The following MFAP3 variants were observed in gnomAD, a reference collection of about 807,000 sequenced individuals.
MFAP3 encodes the protein microfibril associated protein 3.
MFAP3 carries 8 observed loss-of-function variants against 20.5 expected under a neutral mutation model. The observed-to-expected ratio is 0.39, with a 90% CI of 0.23 to 0.70. The LOEUF is 0.70. Ranked by LOEUF, MFAP3 falls within the 30% of genes least tolerant of loss-of-function variation. The pLI is 0.44. For missense variants in MFAP3, 398 were observed against 444.6 expected, an observed-to-expected ratio of 0.90 and a Z score of 0.94; for synonymous variants, 140 against 154.0, an observed-to-expected ratio of 0.91 and a Z score of 0.67.
At chr5:154,048,835 T>C (rs1773118755) in intron 1 of MFAP3, among the ~76,000 whole-genome samples, 1 of 152,226 alleles carries the variant, frequency 6.6e-6, no homozygotes, top group Non-Finnish European at 1.5e-5. Context: ...TTTGGTATGC[T>C]TACAAACTAT....
rs777053581 is a variant in MFAP3 at position 154,056,147 on chromosome 5, G to A, written c.*2434G>A. On this transcript the variant is annotated 3_prime_UTR_variant, in exon 3 of 3. Transcript: ENST00000522782. ...AGAAACAGAACTTTGGAAAAATGGA[G>A]GAAATGTTTTTAAAGTCTGTAAGTT... Among the ~76,000 whole-genome samples, 2 of 152,120 alleles carry A rather than the reference G, an allele frequency of 1.3e-5. No individual in the cohort carries two copies. Among genetic ancestry groups the A allele is most frequent in the Middle Eastern group, 3.2e-3 (1 of 316 alleles).
At chr5:154,049,434 TC>T (rs1343930066) in intron 1 of MFAP3, 122 bp from the exon 2 acceptor site, 1 of 317,992 alleles carries the variant, frequency 3.1e-6, no homozygotes, top group African/African-American at 2.2e-5. Context: ...TACTGTTCCA[TC>T]TAATTACTCC....
At chr5:154,050,354 T>G (rs2113564288) in intron 2 of MFAP3, among the ~76,000 whole-genome samples, 1 of 152,304 alleles carries the variant, frequency 6.6e-6, no homozygotes, top group Middle Eastern at 3.4e-3. Flanking sequence ...AACACAACTC[T>G]GGGAGCACCC....
intron 1 of MFAP3, among the ~76,000 whole-genome samples, chr5:154,044,394 C>T (rs745401254): frequency 6.6e-6 from 1 of 152,162 alleles, no homozygotes; most frequent in Non-Finnish European, 1.5e-5. Context: ...CCTTCTTGGA[C>T]ACGTATCTTT....
chr5:154,044,223 T>C (rs1561588174), intron 1 of MFAP3, among the ~76,000 whole-genome samples: 1 of 152,234 alleles, frequency 6.6e-6, no homozygotes, highest in Non-Finnish European at 1.5e-5. Context: ...GTCATTAGTC[T>C]AGAATGAGCA....
At chr5:154,049,387 A>C (rs1407164608) in intron 1 of MFAP3, among the ~76,000 whole-genome samples, 170 bp from the exon 2 acceptor site, 1 of 152,098 alleles carries the variant, frequency 6.6e-6, no homozygotes, top group Non-Finnish European at 1.5e-5. Flanking sequence ...TTACCAATTC[A>C]TTGCTTTTTC....
Position 154,049,652 on chromosome 5 carries a change from G to T in MFAP3, c.-71G>T. 2.1e-6 allele frequency: 3 copies of T among 1,437,796 alleles called. No homozygotes were observed. The highest frequency in any genetic ancestry group is 2.1e-5 in the Admixed American group (1 of 48,756). The allele number at this position is 1,437,796 out of a possible 1,614,324, so 89.1% of individuals were successfully genotyped here. Reference sequence around the variant, plus strand: ...TTCTCTACCAAGCAATAAATTACCCGCTGTGCTTTTGTTGTAGTGTAGAAG... The same window carrying T: ...TTCTCTACCAAGCAATAAATTACCCTCTGTGCTTTTGTTGTAGTGTAGAAG... On this transcript the variant is annotated 5_prime_UTR_variant, in exon 2 of 3. Transcript: ENST00000522782.
rs1440598105 is a variant in MFAP3, at chr5:154,053,649, A to G, written c.1025A>G (p.Asp342Gly). The G allele has an allele frequency of 8.1e-6, 13 of 1,613,944 alleles. No individual in the cohort carries two copies. The highest frequency in any genetic ancestry group is 1.1e-5 in the Non-Finnish European group (13 of 1,179,890). ...QGSSHFSPPD[D>G]IGSAESNCNY... The stretch of plus-strand genomic sequence containing the variant: ...AGCAGTCATTTCAGTCCACCTGATG[A>G]TATAGGATCTGCAGAATCTAACTGT... Residue 342 changes from aspartate to glycine, a missense_variant, in exon 3 of 3, where the codon GAT becomes GGT. Physicochemically the swap from Asp to Gly is moderately conservative, Grantham distance 94. Transcript: ENST00000522782.
chr5:154,046,694 C>T (rs1228221663), intron 1 of MFAP3, among the ~76,000 whole-genome samples: 1 of 152,194 alleles, frequency 6.6e-6, no homozygotes, highest in Non-Finnish European at 1.5e-5. Flanking sequence ...TTGGTGAGGA[C>T]ACTCATTGCC....
chr5:154,043,201 G>T (rs1020502621), intron 1 of MFAP3, among the ~76,000 whole-genome samples: 8 of 152,110 alleles, frequency 5.3e-5, no homozygotes, highest in Non-Finnish European at 1.2e-4. Flanking sequence ...AAAGGAGTTG[G>T]ATTAAACTTG....
rs1017183853 is a variant in MFAP3 at position 154,049,786 on chromosome 5, T to C, written c.64T>C (p.Leu22=). 6.2e-7 allele frequency: 1 copy of C among 1,613,712 alleles called. No homozygotes were observed. The highest frequency in any genetic ancestry group is 1.3e-5 in the African/African-American group (1 of 75,042). The change falls in exon 2 of 3, where the codon TTG becomes CTG. Residue 22 remains leucine (L), a synonymous_variant. Coordinates refer to ENST00000522782, the MANE Select transcript of MFAP3 (RefSeq NM_005927.5). ...ASIIVPAAFV[L]EDVDFDQMVS... is the part of the protein sequence containing the mutation. ...TATTATTGTGCCAGCTGCTTTTGTT[T>C]TGGAAGATGTGGACTTCGACCAAAT...
chr5:154,048,359 T>G (rs137889257), intron 1 of MFAP3, among the ~76,000 whole-genome samples: 2 of 152,324 alleles, frequency 1.3e-5, no homozygotes, highest in East Asian at 3.9e-4. Context: ...AACCATCCTT[T>G]CAAGGGTTAA....
chr5:154,049,057 G>A (rs1289669788), intron 1 of MFAP3, among the ~76,000 whole-genome samples: 1 of 152,100 alleles, frequency 6.6e-6, no homozygotes, highest in Non-Finnish European at 1.5e-5. Context: ...CTTCATACTT[G>A]AATTACTCAA....
In MFAP3 at chr5:154,053,613, A is replaced by G; in HGVS notation, c.989A>G (p.Glu330Gly). Residue 330 changes from glutamate (E) to glycine (G), a missense_variant, in exon 3 of 3, where the codon GAG becomes GGG. Transcript: ENST00000522782. ...TCAGAAACCAAAAGTATTGATACAG[A>G]GTCTCAAGGCAGCAGTCATTTCAGT... ...LQSETKSIDTESQGSSHFSPP... is the reference protein window; with the variant it reads ...LQSETKSIDTGSQGSSHFSPP... The G allele has an allele frequency of 1.2e-6, 2 of 1,613,938 alleles. No individual in the cohort carries two copies. Among genetic ancestry groups the G allele is most frequent in the Non-Finnish European group, 1.7e-6 (2 of 1,179,880 alleles).
At chr5:154,040,903 A>G (rs1277936843) in intron 1 of MFAP3, among the ~76,000 whole-genome samples, 1 of 152,102 alleles carries the variant, frequency 6.6e-6, no homozygotes, top group Non-Finnish European at 1.5e-5. Context: ...GAAGCTCTGG[A>G]AAGTTAATAA....
rs774449370 is a variant in MFAP3 at position 154,053,537 on chromosome 5, CTGAA to C, written c.918_921del (p.Glu307LysfsTer5). 1.2e-6 allele frequency: 2 copies of C among 1,613,836 alleles called. No individual in the cohort carries two copies. Among genetic ancestry groups the C allele is most frequent in the East Asian group, 4.5e-5 (2 of 44,860 alleles). On this transcript the variant is annotated frameshift_variant, in exon 3 of 3. Transcript: ENST00000522782. LOFTEE classifies it high-confidence loss of function. ...AGGAGGAGATTCAGATGATGGCTCT[CTGAA>C]TGAACAAGGCCAGGAAATAGCAGTT...
At chr5:154,044,217 TTAGTC>T (rs1222582636) in intron 1 of MFAP3, among the ~76,000 whole-genome samples, 1 of 152,214 alleles carries the variant, frequency 6.6e-6, no homozygotes, top group Non-Finnish European at 1.5e-5. Flanking sequence ...TTTAAAGTCA[TTAGTC>T]TAGAATGAGC....
In MFAP3 at chr5:154,057,087, G is replaced by T. The variant is rs1773351793; in HGVS notation, c.*3374G>T. On this transcript the variant is annotated 3_prime_UTR_variant, in exon 3 of 3. Transcript: ENST00000522782. ...ACTTTTGTCTCTTGGGTCCCAGATG[G>T]CACAGGAGCACTGCATGCTTGTTTT... Among the ~76,000 whole-genome samples, 1 of 152,148 alleles carries T rather than the reference G, an allele frequency of 6.6e-6. No individual in the cohort carries two copies. Among genetic ancestry groups the T allele is most frequent in the African/African-American group, 2.4e-5 (1 of 41,424 alleles).
chr5:154,039,755 T>C (rs1289243426), intron 1 of MFAP3, among the ~76,000 whole-genome samples: 1 of 152,156 alleles, frequency 6.6e-6, no homozygotes, highest in African/African-American at 2.4e-5. Flanking sequence ...AATATTAAAA[T>C]CAATCTTATT....
Sources: gnomAD v4.1 joint callset for allele counts (sites outside exome capture counted in the v4.1 genomes callset) on GRCh38, gnomAD v4.1.1 for gene constraint, MANE v1.5 for transcripts, NCBI Gene and HGNC (gene_info 2026-07-23, HGNC 2026-07-21) for gene names.